Variants in CCDC7 observed in about 807,000 individuals in gnomAD.
The protein encoded by CCDC7 is coiled-coil domain-containing protein 7.
A neutral mutation model predicts 196.9 loss-of-function variants in CCDC7; 183 were observed. The ratio of observed to expected loss-of-function variants is 0.93; its 90% CI spans 0.82 to 1.05. CCDC7 has a LOEUF of 1.05. Among genes scored for constraint, CCDC7 ranks in the 50% least tolerant of loss-of-function variants. CCDC7 has a pLI of 0.00. For missense variants in CCDC7, 1,540 were observed against 1,482.2 expected (o/e 1.04, Z -0.64); for synonymous variants, 525 against 484.6 (o/e 1.08, Z -1.10).
chr10:32,571,713 T>G, intron 15 of CCDC7, 146 bp from the exon 17 acceptor site: 1 of 640,860 alleles, frequency 1.6e-6, no homozygotes, highest in Non-Finnish European at 2.3e-6. Flanking sequence ...AATGCTAAAA[T>G]ATGATAATTT....
Position 32,611,728 on chromosome 10 carries a change from T to G in CCDC7, c.1802-22526T>G, listed in dbSNP as rs1451733263. 3.3e-5 allele frequency among the ~76,000 whole-genome samples: 5 copies of G among 152,086 alleles called. No individual in the cohort carries two copies. The East Asian group carries it at 9.6e-4, about 29-fold the overall frequency. On this transcript the variant is annotated intron_variant, in intron 18 of 41. Coordinates refer to ENST00000639629, the Ensembl canonical transcript of CCDC7. ...TCAGGTTTGTCAAAGATTGGATGGT[T>G]TACATGTGTGGCATTATTTCTGAGG...
At chr10:32,821,126 A>G (rs2090097465) in intron 31 of CCDC7, among the ~76,000 whole-genome samples, 1 of 152,208 alleles carries the variant, frequency 6.6e-6, no homozygotes, top group East Asian at 1.9e-4. Context: ...ACAAGAAAAA[A>G]CAACCCCATC....
chr10:32,712,880 C>G (rs557476668), intron 25 of CCDC7, among the ~76,000 whole-genome samples: 1 of 152,212 alleles, frequency 6.6e-6, no homozygotes, highest in South Asian at 2.1e-4. Context: ...TTCACATAGG[C>G]CAGATGAGTC....
At chr10:32,815,372 T>C (rs534673638) in intron 31 of CCDC7, among the ~76,000 whole-genome samples, 15 of 152,304 alleles carry the variant, frequency 9.8e-5, no homozygotes, top group African/African-American at 3.1e-4. Context: ...AATAACAATC[T>C]TTTATCAAAT....
At chr10:32,444,211 A>T (rs1037280934), upstream of CCDC7, among the ~76,000 whole-genome samples, 2 of 152,238 alleles carry the variant, frequency 1.3e-5, no homozygotes, top group African/African-American at 4.8e-5. Flanking sequence ...AAATGATGTT[A>T]GCTGGAGATA....
intron 21 of CCDC7, among the ~76,000 whole-genome samples, chr10:32,669,683 G>C (rs1001961676): frequency 6.6e-6 from 1 of 151,988 alleles, no homozygotes; most frequent in Non-Finnish European, 1.5e-5. Context: ...ATTCATAGTA[G>C]TCTCTCATGA....
chr10:32,553,567 G>A (rs1353144401), intron 13 of CCDC7, among the ~76,000 whole-genome samples: 1 of 152,082 alleles, frequency 6.6e-6, no homozygotes, highest in Non-Finnish European at 1.5e-5. Context: ...GAAGGTCTAG[G>A]GCTGAAGGCT....
chr10:32,518,626 C>A lies in CCDC7; in HGVS notation c.993+121C>A, dbSNP rs1465635950. 5 of 733,188 alleles carry A rather than the reference C, an allele frequency of 6.8e-6. No homozygotes were observed. In the East Asian group the frequency reaches 1.4e-4, roughly 20 times the overall value. The allele number at this position is 733,188 out of a possible 1,614,324, so 45.4% of individuals were successfully genotyped here. ...TGTTTTTACTATTAATAATTCGTAG[C>A]AGCTATGCTTTAAAAATAAAATTAT... On this transcript the variant is annotated intron_variant, in intron 11 of 41. Transcript: ENST00000639629.
chr10:32,746,751 C>A, intron 28 of CCDC7, among the ~76,000 whole-genome samples: 1 of 152,178 alleles, frequency 6.6e-6, no homozygotes, highest in East Asian at 1.9e-4. Flanking sequence ...AGGGACCCCA[C>A]CAATGTGCAC....
intron 21 of CCDC7, among the ~76,000 whole-genome samples, chr10:32,669,071 C>G (rs1217309811): frequency 6.6e-6 from 1 of 151,986 alleles, no homozygotes; most frequent in Non-Finnish European, 1.5e-5. Flanking sequence ...GAGGTACAAT[C>G]CTCCTATACC....
intron 29 of CCDC7, among the ~76,000 whole-genome samples, chr10:32,791,586 A>G (rs1405768859): frequency 1.3e-5 from 2 of 151,534 alleles, no homozygotes; most frequent in African/African-American, 2.4e-5. Flanking sequence ...TGAAATAAAA[A>G]CTGCAATTGA....
upstream of CCDC7, among the ~76,000 whole-genome samples, chr10:32,443,855 C>T (rs894141953): frequency 1.1e-4 from 16 of 152,064 alleles, no homozygotes; most frequent in African/African-American, 3.1e-4. Context: ...TGATCATAAA[C>T]GCATTTAATG....
At chr10:32,460,196 G>A (rs1308736094) in intron 3 of CCDC7, among the ~76,000 whole-genome samples, 1 of 151,802 alleles carries the variant, frequency 6.6e-6, no homozygotes, top group African/African-American at 2.4e-5. Context: ...TTCAAACAGG[G>A]GCAAAATTTG....
chr10:32,490,613 A>G (rs2990978), intron 8 of CCDC7, among the ~76,000 whole-genome samples: 139,450 of 152,176 alleles, frequency 0.92, 65,071 homozygotes, highest in East Asian at 1. Context: ...TGGCTAACAC[A>G]GTGAAACCCT....
At chr10:32,708,233 A>G (rs922564238) in intron 24 of CCDC7, among the ~76,000 whole-genome samples, 1 of 152,198 alleles carries the variant, frequency 6.6e-6, no homozygotes, top group Non-Finnish European at 1.5e-5. Flanking sequence ...AGGATTCCCT[A>G]TTTAATAAAT....
chr10:32,780,490 A>G (rs2080872108), intron 29 of CCDC7, among the ~76,000 whole-genome samples: 1 of 152,232 alleles, frequency 6.6e-6, no homozygotes, highest in Non-Finnish European at 1.5e-5. Flanking sequence ...TGTTAATGAC[A>G]GGGATAAGTT....
At chr10:32,817,211 T>C (rs1457838237) in intron 31 of CCDC7, among the ~76,000 whole-genome samples, 1 of 152,176 alleles carries the variant, frequency 6.6e-6, no homozygotes, top group Non-Finnish European at 1.5e-5. Flanking sequence ...AGTAGCCGAT[T>C]TGATCAACTG....
chr10:32,811,905 G>A (rs2087224323), intron 30 of CCDC7, among the ~76,000 whole-genome samples: 1 of 152,186 alleles, frequency 6.6e-6, no homozygotes, highest in South Asian at 2.1e-4. Context: ...GGATGTAAGG[G>A]TGGTTTAACA....
At chr10:32,833,178 A>C (rs2092347820) in intron 32 of CCDC7, among the ~76,000 whole-genome samples, 2 of 152,102 alleles carry the variant, frequency 1.3e-5, no homozygotes, top group Admixed American at 1.3e-4. Context: ...TGTCAGGAAG[A>C]GGGAATAGAA....
Sources: gnomAD v4.1 joint callset for allele counts (sites outside exome capture counted in the v4.1 genomes callset) on GRCh38, gnomAD v4.1.1 for gene constraint, MANE v1.5 for transcripts, NCBI Gene and HGNC (gene_info 2026-07-23, HGNC 2026-07-21) for gene names.